Variants in ZNF100 observed in about 807,000 individuals in gnomAD.
The protein encoded by ZNF100 is zinc finger protein 100 (Y1).
A neutral mutation model predicts 15.8 loss-of-function variants in ZNF100; 12 were observed. The ratio of observed to expected loss-of-function variants is 0.76; its 90% CI spans 0.49 to 1.23. The LOEUF (loss-of-function observed/expected upper bound fraction) is 1.23, where lower values mean the gene tolerates loss of function less well. Ranked by LOEUF, ZNF100 falls within the 50% of genes most tolerant of loss-of-function variation. The probability of loss-of-function intolerance (pLI) is 0.00; values close to 1 mark genes in which losing one functional copy is unlikely to be tolerated. For missense variants in ZNF100, 670 were observed against 635.6 expected, an observed-to-expected ratio of 1.05 and a Z score of -0.58; for synonymous variants, 226 against 214.8, an observed-to-expected ratio of 1.05 and a Z score of -0.45.
chr19:21,767,549 T>G lies in ZNF100; in HGVS notation c.-120A>C. 1 of 1,440,082 alleles carries G rather than the reference T, an allele frequency of 6.9e-7. No individual in the cohort carries two copies. The highest frequency in any genetic ancestry group is 9.4e-7 in the Non-Finnish European group (1 of 1,058,618). 89.2% of individuals were successfully genotyped at this position (1,440,082 alleles called of 1,614,324 possible). A position where few individuals can be genotyped will look rare whatever the true frequency, so the allele number is the denominator to read the frequency against. ...GACACAGAGAAGTGAGAGCAAAACC[T>G]GGAGCTCCGGCTACAGCGAGAGACA... is the stretch of plus-strand genomic sequence containing the variant. On this transcript the variant is annotated 5_prime_UTR_variant, in exon 1 of 5. Transcript: ENST00000358296.
chr19:21,745,179 T>C (rs975693894), intron 2 of ZNF100, 112 bp from the exon 3 acceptor site: 16 of 1,452,800 alleles, frequency 1.1e-5, no homozygotes, highest in Middle Eastern at 1.8e-4. Context: ...TTCTGATTAA[T>C]AGAAATGACA....
intron 2 of ZNF100, among the ~76,000 whole-genome samples, chr19:21,761,175 C>T (rs928625070): frequency 6.6e-6 from 1 of 152,010 alleles, no homozygotes; most frequent in African/African-American, 2.4e-5. Flanking sequence ...TTTGACTTCG[C>T]CTAAAACATC....
At position 21,723,024 on chromosome 19, in the gene ZNF100, T is replaced by C. The variant is rs2145669848; in HGVS notation, c.*3659A>G. On this transcript the variant is annotated 3_prime_UTR_variant, in exon 5 of 5. Transcript: ENST00000358296. Reference sequence around the variant, plus strand: ...GAAAGTTATATTGATAACCAAACTCTCCAGTTAAAAACAATTATTCAGTGC... The same window carrying C: ...GAAAGTTATATTGATAACCAAACTCCCCAGTTAAAAACAATTATTCAGTGC... The C allele has an allele frequency of 1.3e-5, 2 of 151,976 alleles. No individual in the cohort carries two copies. The highest frequency in any genetic ancestry group is 4.1e-4 in the South Asian group (2 of 4,820). The allele number at this position is 151,976 out of a possible 1,614,324, so 9.4% of individuals were successfully genotyped here. A position where few individuals can be genotyped will look rare whatever the true frequency, so the allele number is the denominator to read the frequency against.
At chr19:21,763,172 T>C (rs2036507804) in intron 2 of ZNF100, among the ~76,000 whole-genome samples, 1 of 152,198 alleles carries the variant, frequency 6.6e-6, no homozygotes, top group African/African-American at 2.4e-5. Context: ...TTATTTCTTA[T>C]TAATAAACTT....
chr19:21,746,032 T>C (rs536712536), intron 2 of ZNF100, among the ~76,000 whole-genome samples: 29 of 152,340 alleles, frequency 1.9e-4, no homozygotes, highest in Admixed American at 1.3e-3. Flanking sequence ...TGATGGCTTA[T>C]GCACATTAAC....
intron 2 of ZNF100, among the ~76,000 whole-genome samples, chr19:21,761,367 A>C (rs1371019843): frequency 6.6e-6 from 1 of 152,228 alleles, no homozygotes; most frequent in Non-Finnish European, 1.5e-5. Context: ...TTCTTTTACA[A>C]CAGGACACAA....
chr19:21,760,021 A>G (rs2036455042), intron 2 of ZNF100, among the ~76,000 whole-genome samples: 1 of 152,006 alleles, frequency 6.6e-6, no homozygotes, highest in African/African-American at 2.4e-5. Flanking sequence ...CATCTCTACT[A>G]AAAATATAAA....
rs2035765588 is a variant in ZNF100, at chr19:21,725,639, T to C, written c.*1044A>G. ...GGAGTGAAGAAAAGGCAGGAAATAA[T>C]TTAAGAGTTGAATTACATTATTACT... is the stretch of plus-strand genomic sequence containing the variant. On this transcript the variant is annotated 3_prime_UTR_variant, in exon 5 of 5. Transcript: ENST00000358296. The C allele has an allele frequency of 6.6e-6, 1 of 152,126 alleles. No individual in the cohort carries two copies. The highest frequency in any genetic ancestry group is 1.5e-5 in the Non-Finnish European group (1 of 67,994). The allele number at this position is 152,126 out of a possible 1,614,324, so 9.4% of individuals were successfully genotyped here.
chr19:21,741,181 T>C (rs2036100308), intron 4 of ZNF100, among the ~76,000 whole-genome samples: 1 of 152,218 alleles, frequency 6.6e-6, no homozygotes, highest in South Asian at 2.1e-4. Context: ...TGATTCCACT[T>C]ATATGAGATA....
intron 2 of ZNF100, chr19:21,751,204 A>C (rs2036301448): frequency 7.6e-7 from 1 of 1,308,330 alleles, no homozygotes; most frequent in African/African-American, 1.5e-5. Context: ...TAAAAAGTAT[A>C]GCTCATGCTC....
At chr19:21,745,858 CAA>C (rs892053083) in intron 2 of ZNF100, among the ~76,000 whole-genome samples, 2 of 152,246 alleles carry the variant, frequency 1.3e-5, no homozygotes, top group Non-Finnish European at 2.9e-5. Flanking sequence ...CTAGTAATGC[CAA>C]AGTTTTTGGC....
chr19:21,748,307 A>G (rs1406827097), intron 2 of ZNF100, among the ~76,000 whole-genome samples: 1 of 152,168 alleles, frequency 6.6e-6, no homozygotes, highest in East Asian at 1.9e-4. Context: ...GTAAGGCAAG[A>G]CTCCAAAGTG....
At position 21,756,139 on chromosome 19, in the gene ZNF100, T is replaced by C. The variant is rs541707044; in HGVS notation, c.96+9555A>G. ...AAAACCACATGATTATTTCAATAGA[T>C]GCTAAAAAAGCCTTCAATATAATTT... On this transcript the variant is annotated intron_variant, in intron 2 of 4. Coordinates refer to ENST00000358296, the MANE Select transcript of ZNF100 (RefSeq NM_173531.4). Among the ~76,000 whole-genome samples, 92 of 152,328 alleles carry C rather than the reference T, an allele frequency of 6.0e-4. 1 individual carries two copies. The highest frequency in any genetic ancestry group is 2.1e-4 in the Non-Finnish European group (14 of 68,022).
intron 4 of ZNF100, among the ~76,000 whole-genome samples, chr19:21,733,755 G>C (rs575686277): frequency 6.6e-6 from 1 of 152,212 alleles, no homozygotes; most frequent in Admixed American, 6.5e-5. Context: ...TCCTGACTGA[G>C]TGAGGACCAC....
chr19:21,759,419 TC>T (rs563398046), intron 2 of ZNF100, among the ~76,000 whole-genome samples: 126 of 152,306 alleles, frequency 8.3e-4, no homozygotes, highest in African/African-American at 2.6e-3. Context: ...GAAACACTCT[TC>T]CATTATGAAT....
intron 4 of ZNF100, among the ~76,000 whole-genome samples, chr19:21,740,820 T>C (rs2036094619): frequency 6.6e-6 from 1 of 152,208 alleles, no homozygotes; most frequent in Admixed American, 6.5e-5. Flanking sequence ...TGATTGTTGG[T>C]AGAAAACAAA....
chr19:21,765,673 T>G, intron 2 of ZNF100, 21 bp downstream of exon 2: 1 of 1,600,510 alleles, frequency 6.2e-7, no homozygotes, highest in South Asian at 1.1e-5. Context: ...TGAAGACAAT[T>G]TTAATGTCTC....
chr19:21,741,851 A>G (rs2036115290), intron 4 of ZNF100, among the ~76,000 whole-genome samples: 1 of 152,004 alleles, frequency 6.6e-6, no homozygotes, highest in South Asian at 2.1e-4. Context: ...AATTTTTTAA[A>G]TAATTTTGTG....
intron 2 of ZNF100, among the ~76,000 whole-genome samples, chr19:21,750,158 T>C (rs541647948): frequency 5.3e-5 from 8 of 152,256 alleles, no homozygotes; most frequent in East Asian, 1.9e-4. Flanking sequence ...AAATAAGAAA[T>C]TGAATCCCTG....
Sources: allele counts gnomAD v4.1 joint callset (sites outside exome capture counted in the v4.1 genomes callset), GRCh38; gene constraint gnomAD v4.1.1; transcripts MANE v1.5; gene names NCBI Gene and HGNC (gene_info 2026-07-23, HGNC 2026-07-21).